ANXA8: variants seen among roughly 807,000 people sequenced by gnomAD.
ANXA8 encodes the protein annexin A8, also known as VAC-beta.
Under a neutral mutation model 26.8 loss-of-function variants are expected in ANXA8, and 9 were observed. That is an observed-to-expected ratio of 0.34 (90% CI 0.20 to 0.59). The LOEUF (loss-of-function observed/expected upper bound fraction) is 0.59. Ranked by LOEUF, ANXA8 falls within the 20% of genes least tolerant of loss-of-function variation. ANXA8 has a pLI of 0.84. For missense variants in ANXA8, 83 were observed against 238.5 expected (o/e 0.35, Z 4.29); for synonymous variants, 39 against 94.8 (o/e 0.41, Z 3.42).
At chr10:47,474,195 T>C (rs1385810368) in intron 8 of ANXA8, 110 bp downstream of exon 8, 1 of 613,034 alleles carries the variant, frequency 1.6e-6, no homozygotes, top group Non-Finnish European at 2.9e-6. Context: ...AGTCCTGGGC[T>C]CCCTGGCTCT....
the ANXA8 span, among the ~76,000 whole-genome samples, chr10:47,682,960 G>C: frequency 2.0e-5 from 3 of 152,342 alleles, no homozygotes; most frequent in African/African-American, 7.2e-5. Context: ...TGATGAGAAT[G>C]TGATTACAGA....
chr10:47,627,308 C>G, the ANXA8 span, among the ~76,000 whole-genome samples: 1 of 150,168 alleles, frequency 6.7e-6, no homozygotes, highest in East Asian at 1.9e-4. Flanking sequence ...AGGGGAATGG[C>G]TACTTAGTCT....
At chr10:47,508,002 C>G in the ANXA8 span, among the ~76,000 whole-genome samples, 1 of 121,560 alleles carries the variant, frequency 8.2e-6, no homozygotes, top group Non-Finnish European at 1.7e-5. Context: ...TCAAGCGATT[C>G]TCACGCCTCA....
chr10:47,620,823 A>G, the ANXA8 span, among the ~76,000 whole-genome samples: 2 of 108,274 alleles, frequency 1.8e-5, 1 homozygote, highest in Non-Finnish European at 4.0e-5. Context: ...TTATCCACTC[A>G]TGTCTTCTAA....
At chr10:47,693,821 G>GT in the ANXA8 span, among the ~76,000 whole-genome samples, 107 of 135,360 alleles carry the variant, frequency 7.9e-4, 1 homozygote, top group Middle Eastern at 3.7e-3. Flanking sequence ...CTGAAATACT[G>GT]TTTTTTTTTG....
At chr10:47,743,405 T>TGTGTGAGA in the ANXA8 span, among the ~76,000 whole-genome samples, 8,144 of 83,082 alleles carry the variant, frequency 0.098, 744 homozygotes, top group East Asian at 0.33. Context: ...TGTGTGTGTG[T>TGTGTGAGA]GAGAGAGAGA....
chr10:47,735,416 T>C, the ANXA8 span, among the ~76,000 whole-genome samples: 7 of 149,348 alleles, frequency 4.7e-5, no homozygotes, highest in Non-Finnish European at 8.9e-5. Flanking sequence ...TTTTTAACTT[T>C]GGAAAATATG....
chr10:47,962,566 ATC>A, the ANXA8 span, among the ~76,000 whole-genome samples: 1 of 145,140 alleles, frequency 6.9e-6, no homozygotes, highest in Non-Finnish European at 1.5e-5. Flanking sequence ...ACCTGGGTGG[ATC>A]TGAGGACATT....
At chr10:47,775,653 G>T in the ANXA8 span, among the ~76,000 whole-genome samples, 2 of 131,034 alleles carry the variant, frequency 1.5e-5, no homozygotes, top group Admixed American at 1.6e-4. Context: ...GCCAATTTGA[G>T]TTGGGTTTCT....
At chr10:47,702,330 TTTC>T in the ANXA8 span, among the ~76,000 whole-genome samples, 2 of 149,762 alleles carry the variant, frequency 1.3e-5, no homozygotes, top group African/African-American at 2.5e-5. Context: ...CTGTAAACAT[TTTC>T]TTTTCTTTTC....
the ANXA8 span, among the ~76,000 whole-genome samples, chr10:47,950,838 T>G: frequency 6.6e-6 from 1 of 150,996 alleles, no homozygotes; most frequent in Non-Finnish European, 1.5e-5. Flanking sequence ...GACAAATTTA[T>G]AACTTTAAAT....
At chr10:47,534,268 C>T in the ANXA8 span, among the ~76,000 whole-genome samples, 10 of 127,058 alleles carry the variant, frequency 7.9e-5, 1 homozygote, top group Non-Finnish European at 1.6e-4. Context: ...CACTCCAGGG[C>T]GCACACATGT....
chr10:47,698,222 T>A, the ANXA8 span, among the ~76,000 whole-genome samples: 3 of 145,548 alleles, frequency 2.1e-5, no homozygotes, highest in East Asian at 6.0e-4. Context: ...CTTTGAGATA[T>A]TCAAGTGGAG....
chr10:47,740,369 A>G, the ANXA8 span, among the ~76,000 whole-genome samples: 1 of 145,458 alleles, frequency 6.9e-6, no homozygotes, highest in African/African-American at 2.6e-5. Flanking sequence ...AAAAAATTGC[A>G]TGAAAACGTA....
the ANXA8 span, among the ~76,000 whole-genome samples, chr10:47,696,722 T>C: frequency 7.0e-6 from 1 of 141,934 alleles, no homozygotes; most frequent in Non-Finnish European, 1.6e-5. Flanking sequence ...TTGGGTATCA[T>C]GTTTCGTTTT....
chr10:47,503,169 A>G, the ANXA8 span: 149 of 1,607,224 alleles, frequency 9.3e-5, 1 homozygote, highest in South Asian at 1.9e-4. Flanking sequence ...TCATATAATC[A>G]CCTAAGCTTG....
chr10:47,599,581 A>T, the ANXA8 span: 4 of 143,950 alleles, frequency 2.8e-5, no homozygotes, highest in Non-Finnish European at 6.0e-5. Context: ...TTACACATCA[A>T]CGCAAAGCAT....
chr10:47,561,325 T>A, the ANXA8 span, among the ~76,000 whole-genome samples: 1 of 151,422 alleles, frequency 6.6e-6, no homozygotes, highest in Admixed American at 6.6e-5. Flanking sequence ...CCAGGCTGGT[T>A]TCAAACTCCT....
chr10:47,941,843 T>C, the ANXA8 span, among the ~76,000 whole-genome samples: 1 of 147,442 alleles, frequency 6.8e-6, no homozygotes, highest in Non-Finnish European at 1.5e-5. Context: ...GGAAAAGGCA[T>C]GTGGAGAAGC....
Sources: allele counts gnomAD v4.1 joint callset (sites outside exome capture counted in the v4.1 genomes callset), GRCh38; gene constraint gnomAD v4.1.1; transcripts MANE v1.5; gene names NCBI Gene and HGNC (gene_info 2026-07-23, HGNC 2026-07-21).